USP28: variants seen among roughly 807,000 people sequenced by gnomAD.
USP28 encodes the protein ubiquitin specific peptidase 28, also known as ubiquitin carboxyl-terminal hydrolase 28.
USP28 carries 113 observed loss-of-function variants against 145.0 expected under a neutral mutation model. That is an observed-to-expected ratio of 0.78 (90% confidence interval 0.67 to 0.91). The LOEUF (loss-of-function observed/expected upper bound fraction) is 0.91. USP28 is among the 40% of genes least tolerant of loss of function. The probability of loss-of-function intolerance (pLI) is 0.00; values close to 1 mark genes in which losing one functional copy is unlikely to be tolerated. For missense variants in USP28, 1,201 were observed against 1,289.6 expected, an observed-to-expected ratio of 0.93 and a Z score of 1.05; for synonymous variants, 447 against 450.9, an observed-to-expected ratio of 0.99 and a Z score of 0.11.
At chr11:113,837,099 C>T (rs1001676523) in intron 5 of USP28, among the ~76,000 whole-genome samples, 2 of 152,230 alleles carry the variant, frequency 1.3e-5, no homozygotes, top group African/African-American at 2.4e-5. Flanking sequence ...TTCCAATCTC[C>T]CTAACCTTGC....
chr11:113,874,423 GAAAAAAAAAAAAA>G (rs778295743), intron 1 of USP28: 37 of 414,074 alleles, frequency 8.9e-5, no homozygotes, highest in African/African-American at 5.7e-4. Context: ...AGACTCTGTC[GAAAAAAAAAAAAA>G]AAAAAAAAAA....
intron 12 of USP28, 109 bp downstream of exon 12, chr11:113,823,495 TA>T: frequency 1.1e-6 from 1 of 897,528 alleles, no homozygotes; most frequent in Non-Finnish European, 1.7e-6. Flanking sequence ...AGCTGTTTTA[TA>T]AAATATTCTA....
rs145462358 is a variant in USP28 at position 113,824,601 on chromosome 11, G to A, written c.1188-901C>T. ...CCCAAAGTGCTGGGATTACAGGTGTGAGCCACCATGTCTGGCCGAAAAACT... is the reference window on the plus strand; with the variant it reads ...CCCAAAGTGCTGGGATTACAGGTGTAAGCCACCATGTCTGGCCGAAAAACT... On this transcript the variant is annotated intron_variant, in intron 11 of 24. Coordinates refer to ENST00000003302, the Ensembl canonical transcript of USP28. 6.9e-3 allele frequency among the ~76,000 whole-genome samples: 1,043 copies of A among 151,166 alleles called. 11 individuals are homozygous for A. Among genetic ancestry groups the A allele is most frequent in the African/African-American group, 0.024 (1,005 of 41,284 alleles).
chr11:113,832,815 G>A (rs192271003), intron 7 of USP28, among the ~76,000 whole-genome samples: 2 of 152,228 alleles, frequency 1.3e-5, no homozygotes, highest in African/African-American at 4.8e-5. Context: ...CTGTCACCCA[G>A]GCTGGAGTAC....
intron 12 of USP28, among the ~76,000 whole-genome samples, chr11:113,823,168 T>G (rs182874228): frequency 6.6e-6 from 1 of 152,272 alleles, no homozygotes; most frequent in Admixed American, 6.5e-5. Context: ...GCATCAGAAA[T>G]ATTAGCCCTT....
At chr11:113,854,280 G>A in exon 2 of USP28, 1 of 1,613,986 alleles carries the variant, frequency 6.2e-7, no homozygotes, top group East Asian at 2.2e-5. Flanking sequence ...ATGGAGAAAG[G>A]AAGGGTCCTG....
exon 19 of USP28, chr11:113,806,502 G>A (rs1419185621): frequency 6.2e-7 from 1 of 1,611,998 alleles, no homozygotes. Context: ...AATCAGCCCT[G>A]CTTCAGACCC....
intron 1 of USP28, among the ~76,000 whole-genome samples, chr11:113,854,753 G>A (rs927280896): frequency 1.3e-5 from 2 of 152,230 alleles, no homozygotes; most frequent in South Asian, 2.1e-4. Flanking sequence ...CAAGGTATTG[G>A]CTGTCAGAAA....
At chr11:113,835,324 C>G in intron 5 of USP28, 1 of 456,022 alleles carries the variant, frequency 2.2e-6, no homozygotes. Flanking sequence ...CCTGAAGAAG[C>G]ATCCTAGGTA....
intron 18 of USP28, among the ~76,000 whole-genome samples, chr11:113,807,394 TA>T (rs537773528): frequency 0.012 from 1,742 of 141,428 alleles, 13 homozygotes; most frequent in South Asian, 0.028. Context: ...TTTTTTTTTT[TA>T]AATACCCCAC....
chr11:113,822,485 AGAGAGAGAGAGAG>A (rs1942768833), intron 12 of USP28: 1 of 151,406 alleles, frequency 6.6e-6, no homozygotes, highest in South Asian at 2.1e-4. Context: ...AGAGAGAGAG[AGAGAGAGAGAGAG>A]AGATGGGGTC....
chr11:113,807,444 ATTGT>A (rs1197679646), intron 18 of USP28, among the ~76,000 whole-genome samples: 1 of 152,096 alleles, frequency 6.6e-6, no homozygotes, highest in Non-Finnish European at 1.5e-5. Flanking sequence ...AGAATTCATT[ATTGT>A]TTATGTGCAG....
At position 113,829,185 on chromosome 11, in the gene USP28, T is replaced by A; in HGVS notation, c.1059+12A>T. The A allele has an allele frequency of 6.2e-7, 1 of 1,611,614 alleles. No individual in the cohort carries two copies. The highest frequency in any genetic ancestry group is 8.5e-7 in the Non-Finnish European group (1 of 1,179,092). On this transcript the variant is annotated intron_variant, in intron 10 of 24. Transcript: ENST00000003302. ...TTGTCACTGGCACAGCAAATAAAGA[T>A]CTCCAACGTACCTCTTGTCCATACT...
chr11:113,862,543 G>A (rs897906274), intron 1 of USP28, among the ~76,000 whole-genome samples: 7 of 152,168 alleles, frequency 4.6e-5, no homozygotes, highest in Non-Finnish European at 7.3e-5. Flanking sequence ...GGTTCAACGT[G>A]GGATGACACT....
chr11:113,838,991 T>C (rs1341025785), intron 5 of USP28, among the ~76,000 whole-genome samples: 1 of 152,234 alleles, frequency 6.6e-6, no homozygotes, highest in Non-Finnish European at 1.5e-5. Flanking sequence ...AAGTTTAAGA[T>C]GCCTGATCGA....
Position 113,837,800 on chromosome 11 carries a change from C to A in USP28, c.534+2798G>T, listed in dbSNP as rs183187989. 3.8e-3 allele frequency among the ~76,000 whole-genome samples: 586 copies of A among 152,298 alleles called. 3 individuals carry two copies. Among genetic ancestry groups the A allele is most frequent in the Middle Eastern group, 0.014 (4 of 294 alleles). ...AGAGGATGTCCTGATAGAAACTGAA[C>A]ATTTTCGTATCACCACACATTTAAA... On this transcript the variant is annotated intron_variant, in intron 5 of 24. Transcript: ENST00000003302.
intron 16 of USP28, among the ~76,000 whole-genome samples, chr11:113,809,695 C>T (rs1940639537): frequency 6.6e-6 from 1 of 152,174 alleles, no homozygotes; most frequent in South Asian, 2.1e-4. Flanking sequence ...TTAGTAGGCA[C>T]TCATTAAACA....
At chr11:113,837,800 C>T (rs183187989) in intron 5 of USP28, among the ~76,000 whole-genome samples, 1 of 152,180 alleles carries the variant, frequency 6.6e-6, no homozygotes, top group Non-Finnish European at 1.5e-5. Flanking sequence ...AGAAACTGAA[C>T]ATTTTCGTAT....
intron 5 of USP28, chr11:113,835,311 A>G (rs1301267058): frequency 2.2e-6 from 1 of 456,038 alleles, no homozygotes; most frequent in Non-Finnish European, 4.4e-6. Context: ...GCACGGTGGA[A>G]CTCCTGAAGA....
Sources: gnomAD v4.1 joint callset for allele counts (sites outside exome capture counted in the v4.1 genomes callset) on GRCh38, gnomAD v4.1.1 for gene constraint, MANE v1.5 for transcripts, NCBI Gene and HGNC (gene_info 2026-07-23, HGNC 2026-07-21) for gene names.